The following SHQ1 variants were observed in gnomAD, a reference collection of about 807,000 sequenced individuals.
The protein encoded by SHQ1 is protein SHQ1 homolog.
In SHQ1, 49 loss-of-function variants were observed where a neutral mutation model predicts 53.8. The observed-to-expected ratio is 0.91, with a 90% CI of 0.72 to 1.16. The LOEUF is 1.16. SHQ1 is among the 50% of genes most tolerant of loss of function. The probability of loss-of-function intolerance (pLI) is 0.00; values close to 1 mark genes in which losing one functional copy is unlikely to be tolerated. For missense variants in SHQ1, 738 were observed against 683.1 expected (o/e 1.08, Z -0.90); for synonymous variants, 243 against 251.0 (o/e 0.97, Z 0.30).
intron 2 of SHQ1, among the ~76,000 whole-genome samples, chr3:72,842,941 G>T (rs142029978): frequency 3.3e-5 from 5 of 152,068 alleles, no homozygotes; most frequent in African/African-American, 1.2e-4. Flanking sequence ...TGGGAGTGGT[G>T]GCATGTGCAC....
intron 1 of SHQ1, chr3:72,846,356 G>A (rs911428073): frequency 6.7e-6 from 10 of 1,493,814 alleles, no homozygotes; most frequent in Middle Eastern, 2.4e-4. Flanking sequence ...GTGCGATAGC[G>A]CAATCTTGGC....
In SHQ1 at chr3:72,770,733, T is replaced by C. The variant is rs114350834; in HGVS notation, c.1182-19897A>G. The stretch of plus-strand genomic sequence containing the variant: ...ATACACCTAGCCTCGAATATCCACA[T>C]AGAAGACAGGAAAGAGGCAAATGTG... On this transcript the variant is annotated intron_variant, in intron 10 of 10. Transcript: ENST00000325599. Among the ~76,000 whole-genome samples, 1,144 of 152,232 alleles carry C rather than the reference T, an allele frequency of 7.5e-3. 18 individuals are homozygous for C. The highest frequency in any genetic ancestry group is 0.015 in the South Asian group (70 of 4,826).
chr3:72,791,677 G>A (rs997226322), intron 10 of SHQ1, among the ~76,000 whole-genome samples: 3 of 151,968 alleles, frequency 2.0e-5, no homozygotes, highest in Admixed American at 2.0e-4. Flanking sequence ...ATAGCACCTA[G>A]GAGTCATTCC....
rs865837630 is a variant in SHQ1, at chr3:72,832,351, A to C, written c.599+18T>G. On this transcript the variant is annotated intron_variant, in intron 5 of 10. Transcript: ENST00000325599. Reference sequence around the variant, plus strand: ...ATGTCAAGTAAATTATTTAATCCTCAAAAATCTCATTACTCACAGATAATG... The same window carrying C: ...ATGTCAAGTAAATTATTTAATCCTCCAAAATCTCATTACTCACAGATAATG... The C allele has an allele frequency of 3.2e-6, 5 of 1,563,060 alleles. No homozygotes were observed. Among genetic ancestry groups the C allele is most frequent in the Middle Eastern group, 2.3e-4 (1 of 4,402 alleles).
chr3:72,808,699 G>A (rs967034873), intron 9 of SHQ1, among the ~76,000 whole-genome samples: 45 of 152,146 alleles, frequency 3.0e-4, no homozygotes, highest in African/African-American at 1.0e-3. Context: ...TGGGGTGTCC[G>A]AACAAACGAG....
chr3:72,757,370 T>C (rs1705517422), intron 10 of SHQ1, among the ~76,000 whole-genome samples: 2 of 150,876 alleles, frequency 1.3e-5, no homozygotes, highest in Admixed American at 1.3e-4. Context: ...AGATCAAATT[T>C]CTTCTCTTTC....
chr3:72,751,529 T>TATATATATATATATATATATATATATAC (rs1491584090), intron 10 of SHQ1, among the ~76,000 whole-genome samples: 2 of 137,992 alleles, frequency 1.4e-5, no homozygotes, highest in Admixed American at 7.0e-5. Flanking sequence ...TATATATATA[T>TATATATATATATATATATATATATATAC]ACATATACAT....
chr3:72,774,238 G>T (rs1250977839), intron 10 of SHQ1, among the ~76,000 whole-genome samples: 1 of 152,126 alleles, frequency 6.6e-6, no homozygotes, highest in Non-Finnish European at 1.5e-5. Context: ...TGACAACATA[G>T]GAGATTTTCA....
chr3:72,744,923 TG>T (rs371271667), downstream of SHQ1, among the ~76,000 whole-genome samples: 10,987 of 72,490 alleles, frequency 0.15, 931 homozygotes, highest in African/African-American at 0.36. Flanking sequence ...TTTGATACAT[TG>T]GGGGGGGGGG....
chr3:72,748,856 G>C (rs1559656047), downstream of SHQ1, among the ~76,000 whole-genome samples: 2 of 151,980 alleles, frequency 1.3e-5, no homozygotes, highest in Admixed American at 6.6e-5. Flanking sequence ...TGGTCAGGAG[G>C]AGGTGCGAGG....
At chr3:72,750,878 A>C in intron 10 of SHQ1, 42 bp from the exon 11 acceptor site, 1 of 1,454,062 alleles carries the variant, frequency 6.9e-7, no homozygotes, top group Non-Finnish European at 9.1e-7. Context: ...TTATTTATTA[A>C]TTGGCCTGGG....
chr3:72,798,906 T>G (rs1706706479), intron 9 of SHQ1, among the ~76,000 whole-genome samples: 1 of 152,226 alleles, frequency 6.6e-6, no homozygotes, highest in Admixed American at 6.5e-5. Flanking sequence ...TGGCTGTGGT[T>G]TTCTGGGTAT....
chr3:72,792,825 T>G, intron 10 of SHQ1, 91 bp downstream of exon 10: 1 of 472,256 alleles, frequency 2.1e-6, no homozygotes, highest in Non-Finnish European at 3.9e-6. Context: ...AACTTACTCC[T>G]CAGGTTATTT....
rs144475552 is a variant in SHQ1 at position 72,769,394 on chromosome 3, C to A, written c.1182-18558G>T. Among the ~76,000 whole-genome samples, 94 of 152,340 alleles carry A rather than the reference C, an allele frequency of 6.2e-4. 1 individual carries two copies. The East Asian group carries it at 0.014, about 23-fold the overall frequency. On this transcript the variant is annotated intron_variant, in intron 10 of 10. Transcript: ENST00000325599. ...AAGGGTCACTAGCTTGCAACTTCTACGTCTGCAGACTTAGTTCCATCTCCC... is the reference window on the plus strand; with the variant it reads ...AAGGGTCACTAGCTTGCAACTTCTAAGTCTGCAGACTTAGTTCCATCTCCC...
chr3:72,822,608 C>T (rs923482481), intron 6 of SHQ1, among the ~76,000 whole-genome samples: 16 of 152,188 alleles, frequency 1.1e-4, no homozygotes, highest in African/African-American at 3.6e-4. Context: ...TCCCACACCA[C>T]CTCATTAAAA....
intron 9 of SHQ1, among the ~76,000 whole-genome samples, chr3:72,804,463 T>C (rs754546040): frequency 6.0e-5 from 9 of 150,660 alleles, no homozygotes; most frequent in Non-Finnish European, 8.9e-5. Context: ...ATGGGTGTTG[T>C]TGCCCGTGTC....
intron 9 of SHQ1, among the ~76,000 whole-genome samples, chr3:72,802,276 T>C (rs1036460222): frequency 6.6e-6 from 1 of 152,206 alleles, no homozygotes; most frequent in Non-Finnish European, 1.5e-5. Context: ...GACCATACTG[T>C]CTGTCCCCAG....
At chr3:72,753,968 G>T (rs753509469) in intron 10 of SHQ1, among the ~76,000 whole-genome samples, 1 of 152,158 alleles carries the variant, frequency 6.6e-6, no homozygotes, top group East Asian at 1.9e-4. Flanking sequence ...TCTGGGTAGT[G>T]ACACACAACT....
At chr3:72,792,891 C>T (rs929036333) in intron 10 of SHQ1, 25 bp downstream of exon 10, 41 of 1,548,880 alleles carry the variant, frequency 2.6e-5, no homozygotes, top group Admixed American at 3.5e-5. Context: ...TCTAAAAATT[C>T]GTAAGTAACT....
Sources: allele counts gnomAD v4.1 joint callset (sites outside exome capture counted in the v4.1 genomes callset), GRCh38; gene constraint gnomAD v4.1.1; transcripts MANE v1.5; gene names NCBI Gene and HGNC (gene_info 2026-07-23, HGNC 2026-07-21).